KIF16B: variants seen among roughly 807,000 people sequenced by gnomAD.
The protein encoded by KIF16B is kinesin-like protein KIF16B.
Under a neutral mutation model 156.3 loss-of-function variants are expected in KIF16B, and 98 were observed. The observed-to-expected ratio is 0.63, with a 90% CI of 0.53 to 0.74. The LOEUF is 0.74. Among genes scored for constraint, KIF16B ranks in the 30% least tolerant of loss-of-function variants. KIF16B has a pLI of 0.00. For missense variants in KIF16B, 1,421 were observed against 1,606.5 expected (o/e 0.88, Z 1.97); for synonymous variants, 564 against 583.7 (o/e 0.97, Z 0.49).
At position 16,534,311 on chromosome 20, in the gene KIF16B, G is replaced by A. The variant is rs144494768; in HGVS notation, c.48-5871C>T. 7.1e-3 allele frequency among the ~76,000 whole-genome samples: 1,078 copies of A among 152,212 alleles called. 20 individuals are homozygous for A. Among genetic ancestry groups the A allele is most frequent in the African/African-American group, 0.025 (1,046 of 41,518 alleles). On this transcript the variant is annotated intron_variant, in intron 1 of 25. Coordinates refer to ENST00000354981, the MANE Select transcript of KIF16B (RefSeq NM_024704.5). The stretch of plus-strand genomic sequence containing the variant: ...TCTTAGTATTTATAACACAGATACT[G>A]GCTAGAATTTCAGCCATAAAGAGCA...
chr20:16,539,777 C>T (rs1286431658), intron 1 of KIF16B, among the ~76,000 whole-genome samples: 1 of 152,204 alleles, frequency 6.6e-6, no homozygotes, highest in East Asian at 1.9e-4. Flanking sequence ...TATGTTAATT[C>T]AAATATCTTG....
At chr20:16,321,426 TA>T (rs750281267) in intron 24 of KIF16B, among the ~76,000 whole-genome samples, 1 of 152,110 alleles carries the variant, frequency 6.6e-6, no homozygotes, top group Non-Finnish European at 1.5e-5. Flanking sequence ...TAGCTGGTTG[TA>T]TAATCTGGAG....
At chr20:16,281,705 C>T (rs754986023) in intron 25 of KIF16B, among the ~76,000 whole-genome samples, 2 of 152,166 alleles carry the variant, frequency 1.3e-5, no homozygotes, top group Non-Finnish European at 2.9e-5. Flanking sequence ...CCAGCGCAGT[C>T]ACTGCACACG....
Position 16,476,735 on chromosome 20 carries a change from A to C in KIF16B, c.1302+17556T>G, listed in dbSNP as rs182745978. Among the ~76,000 whole-genome samples the C allele has an allele frequency of 4.6e-5, 7 of 152,280 alleles. No homozygotes were observed. In the East Asian group the frequency reaches 9.7e-4, roughly 21 times the overall value. On this transcript the variant is annotated intron_variant, in intron 12 of 25. Transcript: ENST00000354981. ...AGTGAAGTATCATTCCGGTTATGAC[A>C]ACAAAGGTGTTTGAATATCTTTTTT...
At chr20:16,330,126 A>T (rs1041646694) in intron 24 of KIF16B, among the ~76,000 whole-genome samples, 1 of 152,174 alleles carries the variant, frequency 6.6e-6, no homozygotes, top group Non-Finnish European at 1.5e-5. Flanking sequence ...TGTCTGCTCA[A>T]TTCCTAAGTT....
rs114232301 is a variant in KIF16B, at chr20:16,404,843, T to G, written c.1754A>C (p.Asn585Thr). The change falls in exon 17 of 26, where the codon AAC becomes ACC. Residue 585 changes from asparagine to threonine, a missense_variant. Transcript: ENST00000354981. ...GTTATACAACATGACTGCAGACAGGTTCTCACGGGACTTCGAGAGGTCGGT... is the reference window on the plus strand; with the variant it reads ...GTTATACAACATGACTGCAGACAGGGTCTCACGGGACTTCGAGAGGTCGGT... ...SMTDLSKSRE[N>T]LSAVMLYNPG... 785 of 1,613,366 alleles carry G rather than the reference T, an allele frequency of 4.9e-4. 2 individuals are homozygous for G. In the African/African-American group the frequency reaches 9.7e-3, roughly 20 times the overall value.
chr20:16,522,231 TTAGA>T (rs549222819), intron 3 of KIF16B, among the ~76,000 whole-genome samples: 2 of 151,816 alleles, frequency 1.3e-5, no homozygotes, highest in Admixed American at 1.3e-4. Flanking sequence ...GACTGGCAAA[TTAGA>T]TAGAGTCAAG....
At chr20:16,497,544 T>TA (rs2068487273) in intron 11 of KIF16B, 69 bp downstream of exon 11, 11 of 1,272,800 alleles carry the variant, frequency 8.6e-6, no homozygotes, top group Non-Finnish European at 2.3e-6. Context: ...CGGCAAGTCC[T>TA]AAAAAAGCAT....
chr20:16,401,157 G>C (rs2065647185), intron 17 of KIF16B, among the ~76,000 whole-genome samples: 2 of 152,184 alleles, frequency 1.3e-5, no homozygotes, highest in Admixed American at 1.3e-4. Context: ...GGGTAGCAGA[G>C]AGAAAATGTG....
At chr20:16,449,255 G>A (rs550109611) in intron 12 of KIF16B, among the ~76,000 whole-genome samples, 3 of 152,134 alleles carry the variant, frequency 2.0e-5, no homozygotes, top group South Asian at 2.1e-4. Flanking sequence ...GCAAAAGGAC[G>A]GAAAGACCTG....
At chr20:16,540,886 C>T (rs945221319) in intron 1 of KIF16B, among the ~76,000 whole-genome samples, 35 of 152,186 alleles carry the variant, frequency 2.3e-4, no homozygotes, top group African/African-American at 8.4e-4. Flanking sequence ...CTAAGTCTGA[C>T]ACACTGTTTC....
chr20:16,388,840 G>T (rs2065288438), intron 17 of KIF16B, among the ~76,000 whole-genome samples: 1 of 152,136 alleles, frequency 6.6e-6, no homozygotes, highest in South Asian at 2.1e-4. Context: ...TGAACTGAAA[G>T]CATAAATACC....
chr20:16,321,259 A>T (rs942559849), intron 24 of KIF16B, among the ~76,000 whole-genome samples: 1 of 152,054 alleles, frequency 6.6e-6, no homozygotes, highest in East Asian at 1.9e-4. Flanking sequence ...ATTATGTAAA[A>T]TTTTTATAAA....
intron 24 of KIF16B, among the ~76,000 whole-genome samples, chr20:16,325,558 GAAA>G (rs56094995): frequency 0.05 from 7,302 of 145,370 alleles, 221 homozygotes; most frequent in Non-Finnish European, 0.078. Flanking sequence ...TACAATAGCT[GAAA>G]AAAAAAAAAA....
chr20:16,437,978 A>AAAAT (rs1323209809), intron 12 of KIF16B, among the ~76,000 whole-genome samples: 1 of 123,950 alleles, frequency 8.1e-6, no homozygotes, highest in African/African-American at 2.9e-5. Context: ...ACTAAAAATA[A>AAAAT]AAAAAAATAA....
intron 20 of KIF16B, among the ~76,000 whole-genome samples, chr20:16,372,120 T>C (rs1044766657): frequency 2.0e-5 from 3 of 152,164 alleles, no homozygotes; most frequent in Admixed American, 6.5e-5. Context: ...AGACAGAATA[T>C]TTCATTCAGA....
At chr20:16,403,111 A>G (rs2065696262) in intron 17 of KIF16B, among the ~76,000 whole-genome samples, 1 of 152,190 alleles carries the variant, frequency 6.6e-6, no homozygotes, top group Non-Finnish European at 1.5e-5. Context: ...ATTAAAAGGT[A>G]CCACCACTGT....
At chr20:16,280,841 C>CGCGTGTGTGTGTGTGTGTGTGTGTGTGT (rs112026824) in intron 25 of KIF16B, among the ~76,000 whole-genome samples, 1 of 74,434 alleles carries the variant, frequency 1.3e-5, no homozygotes, top group Admixed American at 1.6e-4. Context: ...TGCGCGCGCA[C>CGCGTGTGTGTGTGTGTGTGTGTGTGTGT]GTGTGTGTGT....
At chr20:16,534,521 C>A (rs1280708656) in intron 1 of KIF16B, among the ~76,000 whole-genome samples, 1 of 152,126 alleles carries the variant, frequency 6.6e-6, no homozygotes, top group African/African-American at 2.4e-5. Context: ...TTTAACATAG[C>A]CCCTTCTGTC....
Sources: gnomAD v4.1 joint callset for allele counts (sites outside exome capture counted in the v4.1 genomes callset) on GRCh38, gnomAD v4.1.1 for gene constraint, MANE v1.5 for transcripts, NCBI Gene and HGNC (gene_info 2026-07-23, HGNC 2026-07-21) for gene names.